Variants in LONRF1 observed in about 807,000 individuals in gnomAD.
LONRF1 encodes the protein LON peptidase N-terminal domain and RING finger protein 1.
In LONRF1, 37 loss-of-function variants were observed where a neutral mutation model predicts 85.8. That is an observed-to-expected ratio of 0.43 (90% CI 0.33 to 0.57). LONRF1 has a LOEUF of 0.57. Ranked by LOEUF, LONRF1 falls within the 20% of genes least tolerant of loss-of-function variation. The pLI is 0.04. For missense variants in LONRF1, 1,036 were observed against 978.0 expected (o/e 1.06, Z -0.79); for synonymous variants, 517 against 390.1 (o/e 1.33, Z -3.83).
intron 1 of LONRF1, chr8:12,754,480 G>A (rs1172565737): frequency 2.3e-6 from 1 of 438,184 alleles, no homozygotes; most frequent in South Asian, 1.2e-4. Flanking sequence ...CCCGCGCCGC[G>A]TCACAGTCGG....
At chr8:12,753,576 C>T (rs1346936518) in intron 1 of LONRF1, 1 of 152,174 alleles carries the variant, frequency 6.6e-6, no homozygotes, top group Non-Finnish European at 1.5e-5. Context: ...CCAGCACCAC[C>T]CCCACAAGAG....
intron 5 of LONRF1, 45 bp from the exon 6 acceptor site, chr8:12,736,842 TAA>T (rs1181592953): frequency 1.9e-6 from 3 of 1,582,622 alleles, no homozygotes; most frequent in Non-Finnish European, 2.6e-6. Context: ...GGAAAAACTT[TAA>T]AGACTATTCT....
At chr8:12,753,171 C>T (rs933792492) in intron 1 of LONRF1, 20 of 152,006 alleles carry the variant, frequency 1.3e-4, no homozygotes, top group African/African-American at 4.8e-4. Context: ...TTTATACCTG[C>T]CTACTCCTCA....
chr8:12,737,988 C>T lies in LONRF1; in HGVS notation c.1113+7G>A. ...TAAACTCATGATAACCTTGTCTCACCCCGTACCTGCTTTGGGCTAGGTTCA... is the reference window on the plus strand; with the variant it reads ...TAAACTCATGATAACCTTGTCTCACTCCGTACCTGCTTTGGGCTAGGTTCA... On this transcript the variant is annotated splice_region_variant and intron_variant, in intron 4 of 11. Coordinates refer to ENST00000398246, the MANE Select transcript of LONRF1 (RefSeq NM_152271.5). The T allele has an allele frequency of 1.3e-6, 2 of 1,599,390 alleles. No individual in the cohort carries two copies. Among genetic ancestry groups the T allele is most frequent in the South Asian group, 1.2e-5 (1 of 86,274 alleles).
In LONRF1 at chr8:12,754,833, G is replaced by A. The variant is rs1032292060; in HGVS notation, c.588C>T (p.Val196=). 5.4e-6 allele frequency: 8 copies of A among 1,494,966 alleles called. No individual in the cohort carries two copies. The Admixed American group carries it at 1.1e-4, about 20-fold the overall frequency. The allele number at this position is 1,494,966 out of a possible 1,614,324, so 92.6% of individuals were successfully genotyped here. Residue 196 remains valine (V), a synonymous_variant, in exon 1 of 12, where the codon GTC becomes GTT. Coordinates refer to ENST00000398246, the MANE Select transcript of LONRF1 (RefSeq NM_152271.5). ...ACCACTTCTCGGCCAGGTGGTTGAG[G>A]ACGACGCTGGTTCTGAAGTCTGAAG... ...IAASDFRTSV[V]LNHLAEKWFP... is the part of the protein sequence containing the mutation.
At chr8:12,733,679 A>G (rs1231607566) in intron 7 of LONRF1, among the ~76,000 whole-genome samples, 1 of 152,180 alleles carries the variant, frequency 6.6e-6, no homozygotes, top group Non-Finnish European at 1.5e-5. Context: ...TATATAAAAA[A>G]GAGAACAAGA....
At chr8:12,726,971 A>T (rs1209764051) in intron 10 of LONRF1, among the ~76,000 whole-genome samples, 2 of 152,274 alleles carry the variant, frequency 1.3e-5, no homozygotes, top group Admixed American at 1.3e-4. Context: ...AATTCTATGT[A>T]TATTTTACCA....
intron 1 of LONRF1, among the ~76,000 whole-genome samples, chr8:12,752,830 C>A (rs1042198565): frequency 6.6e-6 from 1 of 152,182 alleles, no homozygotes; most frequent in African/African-American, 2.4e-5. Flanking sequence ...GCAGTACTGT[C>A]CATAAGGTTC....
intron 8 of LONRF1, among the ~76,000 whole-genome samples, 182 bp downstream of exon 8, chr8:12,731,554 A>G (rs1488545814): frequency 6.6e-6 from 1 of 152,080 alleles, no homozygotes; most frequent in Non-Finnish European, 1.5e-5. Flanking sequence ...AACTCCCTAT[A>G]AAACATCCGG....
At chr8:12,730,505 C>T (rs918002367) in intron 8 of LONRF1, among the ~76,000 whole-genome samples, 2 of 152,128 alleles carry the variant, frequency 1.3e-5, no homozygotes, top group African/African-American at 4.8e-5. Context: ...CATTAGTAAG[C>T]AGCTGGACAC....
intron 1 of LONRF1, among the ~76,000 whole-genome samples, chr8:12,744,785 T>C (rs1383845586): frequency 1.3e-5 from 2 of 152,176 alleles, no homozygotes; most frequent in Admixed American, 6.5e-5. Context: ...ACAGCTGGGG[T>C]GCTTCCAATA....
At chr8:12,733,068 C>T (rs1798588505) in intron 7 of LONRF1, among the ~76,000 whole-genome samples, 1 of 152,120 alleles carries the variant, frequency 6.6e-6, no homozygotes, top group African/African-American at 2.4e-5. Flanking sequence ...ACGCCAGAGT[C>T]TCTGAGCATC....
chr8:12,755,034 G>A lies in LONRF1; in HGVS notation c.387C>T (p.Phe129=), dbSNP rs1563165510. 1 of 1,491,200 alleles carries A rather than the reference G, an allele frequency of 6.7e-7. No homozygotes were observed. 92.4% of individuals were successfully genotyped at this position (1,491,200 alleles called of 1,614,324 possible). ...AGGGCACGGTCACCGGCTCGCTCAG[G>A]AAGCCCCGGCAGCCCAGGCATCTGA... is the stretch of plus-strand genomic sequence containing the variant. The part of the protein sequence containing the change: ...GLLRCLGCRG[F]LSEPVTVPCG... Residue 129 remains phenylalanine (F), a synonymous_variant, in exon 1 of 12, where the codon TTC becomes TTT. Transcript: ENST00000398246.
chr8:12,736,982 A>G lies in LONRF1; in HGVS notation c.1272T>C (p.Val424=), dbSNP rs747770152. Residue 424 remains valine, a synonymous_variant, in exon 5 of 12, where the codon GTT becomes GTC. Coordinates refer to ENST00000398246, the MANE Select transcript of LONRF1 (RefSeq NM_152271.5). ...EPVLSVQEKG[V]LLKRKLSLLE... ...AAAGAGACAACTTTCTTTTCAGCAG[A>G]ACACCTTTTTCTTGAACTGACAGAA... The G allele has an allele frequency of 4.3e-6, 7 of 1,613,500 alleles. No individual in the cohort carries two copies. The highest frequency in any genetic ancestry group is 1.7e-5 in the Admixed American group (1 of 59,944).
At chr8:12,751,674 C>A (rs2117355481) in intron 1 of LONRF1, among the ~76,000 whole-genome samples, 1 of 151,430 alleles carries the variant, frequency 6.6e-6, no homozygotes, top group South Asian at 2.1e-4. Flanking sequence ...AATATCACCC[C>A]CCCACCTTAC....
chr8:12,728,791 G>T, intron 10 of LONRF1, 110 bp downstream of exon 10: 1 of 1,201,284 alleles, frequency 8.3e-7, no homozygotes, highest in Non-Finnish European at 1.2e-6. Flanking sequence ...ACAGTGGTAA[G>T]GCTGTCTGAT....
chr8:12,749,631 A>G (rs1212005459), intron 1 of LONRF1, among the ~76,000 whole-genome samples: 2 of 152,198 alleles, frequency 1.3e-5, no homozygotes, highest in Non-Finnish European at 2.9e-5. Context: ...GATGAATGAA[A>G]AACAGTTAAA....
chr8:12,745,511 C>T (rs1394955370), intron 1 of LONRF1, among the ~76,000 whole-genome samples: 4 of 152,114 alleles, frequency 2.6e-5, no homozygotes, highest in Non-Finnish European at 4.4e-5. Flanking sequence ...AACAAAATGG[C>T]TATCAGTCCT....
intron 10 of LONRF1, among the ~76,000 whole-genome samples, chr8:12,728,675 CT>C (rs1798412047): frequency 6.6e-6 from 1 of 152,200 alleles, no homozygotes; most frequent in East Asian, 1.9e-4. Context: ...GTTGTTAAGC[CT>C]GCAGAAATAA....
Sources: gnomAD v4.1 joint callset for allele counts (sites outside exome capture counted in the v4.1 genomes callset) on GRCh38, gnomAD v4.1.1 for gene constraint, MANE v1.5 for transcripts, NCBI Gene and HGNC (gene_info 2026-07-23, HGNC 2026-07-21) for gene names.